GART: variants seen among roughly 807,000 people sequenced by gnomAD.
GART encodes the protein phosphoribosylglycinamide formyltransferase, phosphoribosylglycinamide synthetase, phosphoribosylaminoimidazole synthetase.
A neutral mutation model predicts 107.2 loss-of-function variants in GART; 43 were observed. The ratio of observed to expected loss-of-function variants is 0.40; its 90% confidence interval spans 0.31 to 0.52. GART has a LOEUF of 0.52. Ranked by LOEUF, GART falls within the 20% of genes least tolerant of loss-of-function variation. The pLI is 0.52. For missense variants in GART, 1,107 were observed against 1,206.5 expected (o/e 0.92, Z 1.22); for synonymous variants, 434 against 427.0 (o/e 1.02, Z -0.20).
At chr21:33,536,685 A>T (rs1266847763) in intron 2 of GART, among the ~76,000 whole-genome samples, 4 of 152,228 alleles carry the variant, frequency 2.6e-5, no homozygotes, top group African/African-American at 9.6e-5. Flanking sequence ...CTTTGGGGCC[A>T]TTATTAAGTA....
chr21:33,506,878 G>A (rs1041874926), intron 18 of GART, among the ~76,000 whole-genome samples: 5 of 152,200 alleles, frequency 3.3e-5, no homozygotes, highest in African/African-American at 7.2e-5. Flanking sequence ...GTCTCGCCCC[G>A]GTTAAAATGG....
chr21:33,538,845 A>T (rs1339330467), intron 2 of GART, among the ~76,000 whole-genome samples: 1 of 152,098 alleles, frequency 6.6e-6, no homozygotes, highest in Non-Finnish European at 1.5e-5. Context: ...CAGTGGCATG[A>T]TGTCAGCTTA....
chr21:33,528,503 T>C lies in GART; in HGVS notation c.897+16A>G, dbSNP rs760838753. On this transcript the variant is annotated intron_variant, in intron 9 of 21. Transcript: ENST00000381815. Reference sequence around the variant, plus strand: ...ACATATCTTCTACCAAGTAATACTTTGATATTTTTACCCACTTGGCACTCT... The same window carrying C: ...ACATATCTTCTACCAAGTAATACTTCGATATTTTTACCCACTTGGCACTCT... 52 of 1,583,090 alleles carry C rather than the reference T, an allele frequency of 3.3e-5. No individual in the cohort carries two copies. The highest frequency in any genetic ancestry group is 4.4e-5 in the Non-Finnish European group (51 of 1,163,794).
intron 2 of GART, among the ~76,000 whole-genome samples, 176 bp downstream of exon 2, chr21:33,538,995 T>G (rs748179331): frequency 1.3e-5 from 2 of 152,138 alleles, no homozygotes; most frequent in Non-Finnish European, 2.9e-5. Context: ...TTAGCCAGGA[T>G]GGTCTCCATC....
At chr21:33,537,954 G>A (rs754388201) in intron 2 of GART, among the ~76,000 whole-genome samples, 1 of 152,022 alleles carries the variant, frequency 6.6e-6, no homozygotes, top group Non-Finnish European at 1.5e-5. Flanking sequence ...TGAGAGATAA[G>A]GGTGGAGGCT....
intron 18 of GART, 78 bp downstream of exon 18, chr21:33,509,705 C>A (rs764875960): frequency 3.4e-6 from 5 of 1,473,786 alleles, no homozygotes; most frequent in Non-Finnish European, 4.7e-6. Flanking sequence ...CGAGAGTAAC[C>A]TTACAATCTC....
At chr21:33,507,694 T>C (rs1293497614) in intron 18 of GART, among the ~76,000 whole-genome samples, 1 of 152,058 alleles carries the variant, frequency 6.6e-6, no homozygotes, top group Non-Finnish European at 1.5e-5. Context: ...TAGCCAGGCA[T>C]AGTGGCAGGT....
chr21:33,521,720 G>A (rs191099236), intron 12 of GART, among the ~76,000 whole-genome samples: 74 of 151,960 alleles, frequency 4.9e-4, no homozygotes, highest in African/African-American at 1.7e-3. Context: ...AGCACTTTGG[G>A]AGGCTGAGGT....
Position 33,511,324 on chromosome 21 carries a change from GCT to G in GART, c.2240_2241del (p.Glu747AlafsTer24). The G allele has an allele frequency of 6.2e-7, 1 of 1,614,150 alleles. No individual in the cohort carries two copies. Among genetic ancestry groups the G allele is most frequent in the Non-Finnish European group, 8.5e-7 (1 of 1,180,032 alleles). Reference protein sequence around the residue: ...AVLVVSKEQTEQILRDIQQHK... With the variant: ...AVLVVSKEQTXQILRDIQQHK... ...TGCTGCTGGATATCCCTCAGAATCT[GCT>G]CTGTCTGCTCCTTTGATACCACAAG... On this transcript the variant is annotated frameshift_variant, in exon 17 of 22. Coordinates refer to ENST00000381815, the MANE Select transcript of GART (RefSeq NM_000819.5). LOFTEE classifies it high-confidence loss of function.
At position 33,539,231 on chromosome 21, in the gene GART, G is replaced by T. The variant is rs1438898335; in HGVS notation, c.85C>A (p.Gln29Lys). The change falls in exon 2 of 22, where the codon CAA becomes AAA. Residue 29 changes from glutamine (Q) to lysine (K), a missense_variant. Gln to Lys is a moderately conservative substitution (Grantham distance 53). Transcript: ENST00000381815. ...WKLAQSHHVK[Q>K]VLVAPGNAGT... Reference sequence around the variant, plus strand: ...GCGTTTCCTGGGGCAACCAACACTTGTTTGACATGATGAGACTGTGCAAGT... The same window carrying T: ...GCGTTTCCTGGGGCAACCAACACTTTTTTGACATGATGAGACTGTGCAAGT... 1 of 1,614,028 alleles carries T rather than the reference G, an allele frequency of 6.2e-7. No homozygotes were observed. The highest frequency in any genetic ancestry group is 1.3e-5 in the African/African-American group (1 of 74,924).
intron 16 of GART, among the ~76,000 whole-genome samples, chr21:33,512,666 G>A (rs561597651): frequency 6.6e-6 from 1 of 152,096 alleles, no homozygotes; most frequent in Non-Finnish European, 1.5e-5. Flanking sequence ...ACGGCTCACT[G>A]TAGCCTTGAT....
intron 17 of GART, chr21:33,510,478 C>T (rs1449569186): frequency 2.6e-5 from 4 of 153,100 alleles, no homozygotes; most frequent in Admixed American, 6.5e-5. Flanking sequence ...TACAGGCGCC[C>T]GCCACCACGC....
At chr21:33,513,119 GTGTGTGTGT>G (rs1275024843) in intron 16 of GART, among the ~76,000 whole-genome samples, 1 of 150,752 alleles carries the variant, frequency 6.6e-6, no homozygotes, top group Non-Finnish European at 1.5e-5. Context: ...GTGTGTGTGT[GTGTGTGTGT>G]GTGTGTGTGT....
At chr21:33,537,972 G>A (rs372779949) in intron 2 of GART, among the ~76,000 whole-genome samples, 93 of 152,218 alleles carry the variant, frequency 6.1e-4, no homozygotes, top group African/African-American at 2.1e-3. Context: ...GCTGGGCACG[G>A]TGGCTCATGC....
At chr21:33,532,736 G>A (rs1463787538) in intron 4 of GART, among the ~76,000 whole-genome samples, 2 of 152,124 alleles carry the variant, frequency 1.3e-5, no homozygotes, top group African/African-American at 4.8e-5. Context: ...GATGTATAGA[G>A]TAGATATGGC....
At chr21:33,509,049 C>T (rs370347828) in intron 18 of GART, 1 of 152,112 alleles carries the variant, frequency 6.6e-6, no homozygotes, top group African/African-American at 2.4e-5. Context: ...ACCTTAAGAT[C>T]GACCTGTAAA....
chr21:33,528,786 A>T, intron 8 of GART, 64 bp downstream of exon 8: 1 of 1,273,916 alleles, frequency 7.8e-7, no homozygotes, highest in Non-Finnish European at 1.1e-6. Context: ...AATGGAAAAT[A>T]AGTTTTATCA....
chr21:33,514,185 T>C (rs984238474), intron 16 of GART, among the ~76,000 whole-genome samples: 6 of 152,104 alleles, frequency 3.9e-5, no homozygotes, highest in African/African-American at 1.4e-4. Context: ...GGAGAATCAC[T>C]TGAACCCAGG....
At chr21:33,536,103 G>A (rs562077190) in intron 2 of GART, among the ~76,000 whole-genome samples, 4 of 152,024 alleles carry the variant, frequency 2.6e-5, no homozygotes, top group Non-Finnish European at 5.9e-5. Context: ...CTGTAGGAAC[G>A]CTGGGTAATA....
Sources: allele counts gnomAD v4.1 joint callset (sites outside exome capture counted in the v4.1 genomes callset), GRCh38; gene constraint gnomAD v4.1.1; transcripts MANE v1.5; gene names NCBI Gene and HGNC (gene_info 2026-07-23, HGNC 2026-07-21).